NET1: variants seen among roughly 807,000 people sequenced by gnomAD.
NET1 encodes neuroepithelial cell-transforming gene 1 protein.
NET1 carries 42 observed loss-of-function variants against 61.1 expected under a neutral mutation model. The observed-to-expected ratio is 0.69, with a 90% CI of 0.54 to 0.89. The LOEUF (loss-of-function observed/expected upper bound fraction) is 0.89. NET1 is among the 40% of genes least tolerant of loss of function. The pLI, the probability that NET1 is intolerant of heterozygous loss-of-function variation, is 0.00. For missense variants in NET1, 654 were observed against 747.3 expected (o/e 0.88, Z 1.46); for synonymous variants, 254 against 281.8 (o/e 0.90, Z 0.99).
chr10:5,428,445 A>AT (rs11448127), intron 2 of NET1, among the ~76,000 whole-genome samples: 141,662 of 146,444 alleles, frequency 0.97, 68,621 homozygotes, highest in Non-Finnish European at 1. Flanking sequence ...TGAGAAAAGG[A>AT]TTTTTTTTTT....
intron 3 of NET1, among the ~76,000 whole-genome samples, chr10:5,450,841 T>C (rs1456412063): frequency 6.6e-6 from 1 of 152,234 alleles, no homozygotes; most frequent in African/African-American, 2.4e-5. Flanking sequence ...AATGCAATTT[T>C]TGTAAAGTTT....
chr10:5,456,951 A>C lies in NET1; in HGVS notation c.1748A>C (p.Asp583Ala), dbSNP rs776035764. The stretch of plus-strand genomic sequence containing the variant: ...CAGCCCGGCATCCGAAGAGCGAGGG[A>C]CAAAGCCCTTTCTGGTGGCAAACGG... ...QTQPGIRRAR[D>A]KALSGGKRKE... is the part of the protein sequence containing the mutation. Residue 583 changes from aspartate (D) to alanine (A), a missense_variant, in exon 12 of 12, where the codon GAC becomes GCC. Asp to Ala is a moderately radical substitution (Grantham distance 126, BLOSUM62 -2). Coordinates refer to ENST00000355029, the MANE Select transcript of NET1 (RefSeq NM_001047160.3). The surrounding 1 kb of genome is among the most constrained non-coding windows in gnomAD (Gnocchi z 7.0). 18 of 1,589,136 alleles carry C rather than the reference A, an allele frequency of 1.1e-5. No homozygotes were observed. In the East Asian group the frequency reaches 4.0e-4, roughly 36 times the overall value.
rs1039269560 is a variant in NET1, at chr10:5,424,278, C to T, written c.129-2377C>T. On this transcript the variant is annotated intron_variant, in intron 1 of 11. Transcript: ENST00000355029. The surrounding 1 kb of genome is among the most constrained non-coding windows in gnomAD (Gnocchi z 6.1). ...ATAATTGTTTTTTCTTAAGCCAGTG[C>T]CCACTGATGGCTCCTGCTAACCATG... Among the ~76,000 whole-genome samples the T allele has an allele frequency of 6.6e-6, 1 of 152,124 alleles. No individual in the cohort carries two copies. Among genetic ancestry groups the T allele is most frequent in the Non-Finnish European group, 1.5e-5 (1 of 68,016 alleles).
In NET1 at chr10:5,426,761, A is replaced by G. The variant is rs756597813; in HGVS notation, c.195+40A>G. On this transcript the variant is annotated intron_variant, in intron 2 of 11. Transcript: ENST00000355029. This position sits in a 1 kb window ranked among gnomAD's most constrained non-coding sequence, Gnocchi z 4.6. ...GGGTTTTTATTTCGAGACATTAGAT[A>G]GAATTAATTCCCTGGTTTCTTTCAG... The G allele has an allele frequency of 9.3e-6, 13 of 1,392,312 alleles. No individual in the cohort carries two copies. Among genetic ancestry groups the G allele is most frequent in the Non-Finnish European group, 2.0e-6 (2 of 1,002,592 alleles). The allele number at this position is 1,392,312 out of a possible 1,614,324, so 86.2% of individuals were successfully genotyped here. A position where few individuals can be genotyped will look rare whatever the true frequency, so the allele number is the denominator to read the frequency against.
In NET1 at chr10:5,458,039, AG is replaced by A. The variant is rs1832836190; in HGVS notation, c.*1047del. 1 of 152,218 alleles carries A rather than the reference AG, an allele frequency of 6.6e-6. No homozygotes were observed. The highest frequency in any genetic ancestry group is 2.1e-4 in the South Asian group (1 of 4,836). 9.4% of individuals were successfully genotyped at this position (152,218 alleles called of 1,614,324 possible). ...GTGCCAGACATTTCACAAGTGTGAA[AG>A]GAGATAGGAGAAGCTCAACTTGAGG... On this transcript the variant is annotated 3_prime_UTR_variant, in exon 12 of 12. Transcript: ENST00000355029. This position sits in a 1 kb window ranked among gnomAD's most constrained non-coding sequence, Gnocchi z 4.5.
In NET1 at chr10:5,427,487, T is replaced by G. The variant is rs1192211467; in HGVS notation, c.195+766T>G. 1.3e-5 allele frequency among the ~76,000 whole-genome samples: 2 copies of G among 152,170 alleles called. No homozygotes were observed. Among genetic ancestry groups the G allele is most frequent in the Non-Finnish European group, 2.9e-5 (2 of 68,024 alleles). ...TGCTCTAACCATGTCAACAGTACCA[T>G]ATGTATCCTTCTATATTTTGCTCAT... is the stretch of plus-strand genomic sequence containing the variant. On this transcript the variant is annotated intron_variant, in intron 2 of 11. Transcript: ENST00000355029. This position sits in a 1 kb window ranked among gnomAD's most constrained non-coding sequence, Gnocchi z 4.1.
intron 3 of NET1, among the ~76,000 whole-genome samples, chr10:5,448,693 G>A (rs1026775460): frequency 4.4e-5 from 2 of 45,398 alleles, no homozygotes; most frequent in Non-Finnish European, 4.1e-5. Context: ...TTTTTTTGAG[G>A]AGAGTAAGGT....
Position 5,426,879 on chromosome 10 carries a change from G to C in NET1, c.195+158G>C, listed in dbSNP as rs957609265. Among the ~76,000 whole-genome samples, 1 of 152,072 alleles carries C rather than the reference G, an allele frequency of 6.6e-6. No homozygotes were observed. Among genetic ancestry groups the C allele is most frequent in the African/African-American group, 2.4e-5 (1 of 41,410 alleles). ...TGGCAGCCTAATTTAGTCCTTTTCT[G>C]CTAACAAGCTGTAATAACTTTTTGT... On this transcript the variant is annotated intron_variant, in intron 2 of 11. Coordinates refer to ENST00000355029, the MANE Select transcript of NET1 (RefSeq NM_001047160.3). The surrounding 1 kb of genome is among the most constrained non-coding windows in gnomAD (Gnocchi z 4.6).
At position 5,412,738 on chromosome 10, in the gene NET1, C is replaced by G; in HGVS notation, c.46C>G (p.Arg16Gly). Reference protein sequence around the residue: ...AAQKQPRPRRRSRRASGLSTE... With the variant: ...AAQKQPRPRRGSRRASGLSTE... ...TCAGAAGCAGCCTCGACCGCGGAGG[C>G]GAAGCCGCCGGGCCTCTGGGCTCAG... Residue 16 changes from arginine to glycine, a missense_variant, in exon 1 of 12, where the codon CGA becomes GGA. Transcript: ENST00000355029. This position sits in a 1 kb window ranked among gnomAD's most constrained non-coding sequence, Gnocchi z 6.5. The G allele has an allele frequency of 6.8e-7, 1 of 1,479,828 alleles. No homozygotes were observed. The highest frequency in any genetic ancestry group is 8.9e-7 in the Non-Finnish European group (1 of 1,122,938). 91.7% of individuals were successfully genotyped at this position (1,479,828 alleles called of 1,614,324 possible). A position where few individuals can be genotyped will look rare whatever the true frequency, so the allele number is the denominator to read the frequency against.
rs1474933941 is a variant in NET1, at chr10:5,426,184, T to C, written c.129-471T>C. Among the ~76,000 whole-genome samples, 1 of 152,190 alleles carries C rather than the reference T, an allele frequency of 6.6e-6. No individual in the cohort carries two copies. The highest frequency in any genetic ancestry group is 1.5e-5 in the Non-Finnish European group (1 of 68,032). On this transcript the variant is annotated intron_variant, in intron 1 of 11. Coordinates refer to ENST00000355029, the MANE Select transcript of NET1 (RefSeq NM_001047160.3). The surrounding 1 kb of genome is among the most constrained non-coding windows in gnomAD (Gnocchi z 4.6). ...TTGTTAAATTGCAGTTTTAAAAAAT[T>C]AGGGATTTACATGAAATGCAGATAA...
In NET1 at chr10:5,456,736, G is replaced by A. The variant is rs757111537; in HGVS notation, c.1533G>A (p.Glu511=). The A allele has an allele frequency of 6.2e-7, 1 of 1,614,144 alleles. No individual in the cohort carries two copies. Among genetic ancestry groups the A allele is most frequent in the Non-Finnish European group, 8.5e-7 (1 of 1,180,018 alleles). The stretch of plus-strand genomic sequence containing the variant: ...TCCAGTCGGCAGGCAGTCCACCTGA[G>A]CTGCAGGGCCTGCCGGAGCTGCACG... ...APFQSAGSPP[E]LQGLPELHEE... The change falls in exon 12 of 12, where the codon GAG becomes GAA. Residue 511 remains glutamate, a synonymous_variant. Transcript: ENST00000355029. The surrounding 1 kb of genome is among the most constrained non-coding windows in gnomAD (Gnocchi z 7.0).
At chr10:5,436,189 TGTGTG>T (rs1832430065) in intron 3 of NET1, among the ~76,000 whole-genome samples, 4 of 14,618 alleles carry the variant, frequency 2.7e-4, no homozygotes, top group African/African-American at 8.4e-4. Flanking sequence ...GTGTGTGTTG[TGTGTG>T]TGTGTGTGTG....
At chr10:5,418,711 C>CA (rs762249454) in intron 1 of NET1, among the ~76,000 whole-genome samples, 13 of 152,074 alleles carry the variant, frequency 8.5e-5, no homozygotes, top group Non-Finnish European at 1.6e-4. Context: ...GATTAGTCTG[C>CA]ATGCTTTAGG....
chr10:5,423,494 A>C lies in NET1; in HGVS notation c.129-3161A>C, dbSNP rs1395007394. On this transcript the variant is annotated intron_variant, in intron 1 of 11. Coordinates refer to ENST00000355029, the MANE Select transcript of NET1 (RefSeq NM_001047160.3). This position sits in a 1 kb window ranked among gnomAD's most constrained non-coding sequence, Gnocchi z 4.4. Reference sequence around the variant, plus strand: ...AAGGAAAACATTAAAGGCCAAGGAAAATCTACAGGAGTCAAATCGGGAACT... The same window carrying C: ...AAGGAAAACATTAAAGGCCAAGGAACATCTACAGGAGTCAAATCGGGAACT... Among the ~76,000 whole-genome samples the C allele has an allele frequency of 6.6e-6, 1 of 152,174 alleles. No individual in the cohort carries two copies. The highest frequency in any genetic ancestry group is 2.4e-5 in the African/African-American group (1 of 41,470).
Position 5,423,167 on chromosome 10 carries a change from T to C in NET1, c.129-3488T>C, listed in dbSNP as rs527650261. Among the ~76,000 whole-genome samples, 6 of 152,302 alleles carry C rather than the reference T, an allele frequency of 3.9e-5. No homozygotes were observed. The South Asian group carries it at 1.2e-3, about 32-fold the overall frequency. On this transcript the variant is annotated intron_variant, in intron 1 of 11. Transcript: ENST00000355029. The surrounding 1 kb of genome is among the most constrained non-coding windows in gnomAD (Gnocchi z 4.4). ...GAAACTCGTTTTCATTCTACATCCA[T>C]TTTTTATGGTGAATGCATCTTGAGG...
Position 5,455,046 on chromosome 10 carries a change from G to T in NET1, c.1125G>T (p.Lys375Asn). 6.2e-7 allele frequency: 1 copy of T among 1,614,186 alleles called. No homozygotes were observed. Among genetic ancestry groups the T allele is most frequent in the Non-Finnish European group, 8.5e-7 (1 of 1,180,042 alleles). The change falls in exon 10 of 12, where the codon AAG (lysine) becomes AAT (asparagine). Residue 375 changes from lysine to asparagine, a missense_variant. Coordinates refer to ENST00000355029, the MANE Select transcript of NET1 (RefSeq NM_001047160.3). This position sits in a 1 kb window ranked among gnomAD's most constrained non-coding sequence, Gnocchi z 6.5. ...YIDKLEYLDE[K>N]QRDPRIEASK... The stretch of plus-strand genomic sequence containing the variant: ...ACAAGCTGGAGTACCTGGATGAAAA[G>T]CAGAGGGACCCCAGAATCGAAGCGA...
chr10:5,452,747 C>G lies in NET1; in HGVS notation c.532-111C>G. ...TCCATTCTGAATTACAATTTTCAGA[C>G]TGAGTTACTTTTTAAAATGCCGTTC... On this transcript the variant is annotated intron_variant, in intron 5 of 11. Transcript: ENST00000355029. The surrounding 1 kb of genome is among the most constrained non-coding windows in gnomAD (Gnocchi z 4.0). 9.4e-7 allele frequency: 1 copy of G among 1,060,868 alleles called. No individual in the cohort carries two copies. The highest frequency in any genetic ancestry group is 1.4e-6 in the Non-Finnish European group (1 of 719,502). 65.7% of individuals were successfully genotyped at this position (1,060,868 alleles called of 1,614,324 possible).
In NET1 at chr10:5,456,796, A is replaced by G. The variant is rs765933335; in HGVS notation, c.1593A>G (p.Lys531=). ...ECEGNHPSAR[K]LTAQRRASTV... ...AGGGGAACCACCCCTCTGCGAGGAA[A>G]CTCACAGCCCAGAGGAGGGCATCCA... The change falls in exon 12 of 12, where the codon AAA becomes AAG. Residue 531 remains lysine (K), a synonymous_variant. Coordinates refer to ENST00000355029, the MANE Select transcript of NET1 (RefSeq NM_001047160.3). The surrounding 1 kb of genome is among the most constrained non-coding windows in gnomAD (Gnocchi z 7.0). 18 of 1,612,942 alleles carry G rather than the reference A, an allele frequency of 1.1e-5. No individual in the cohort carries two copies. The highest frequency in any genetic ancestry group is 1.5e-5 in the Non-Finnish European group (18 of 1,179,516).
Position 5,439,220 on chromosome 10 carries a change from T to G in NET1, c.255+9991T>G, listed in dbSNP as rs185295302. 2.0e-4 allele frequency among the ~76,000 whole-genome samples: 31 copies of G among 152,362 alleles called. No individual in the cohort carries two copies. The highest frequency in any genetic ancestry group is 1.7e-3 in the Admixed American group (26 of 15,308). ...GAACAACCAAGTGCATTACTGACAC[T>G]GGAGTGTTCTCCTTTGCCGCTCTCT... On this transcript the variant is annotated intron_variant, in intron 3 of 11. Transcript: ENST00000355029. The surrounding 1 kb of genome is among the most constrained non-coding windows in gnomAD (Gnocchi z 4.8).
Sources: allele counts gnomAD v4.1 joint callset (sites outside exome capture counted in the v4.1 genomes callset), GRCh38; gene constraint gnomAD v4.1.1; non-coding constraint Gnocchi (gnomAD v3.1); transcripts MANE v1.5; gene names NCBI Gene and HGNC (gene_info 2026-07-23, HGNC 2026-07-21).